The following CRTAC1 variants were observed in gnomAD, a reference collection of about 807,000 sequenced individuals.
CRTAC1 encodes cartilage acidic protein 1, also known as acidic secreted protein in cartilage.
Under a neutral mutation model 67.8 loss-of-function variants are expected in CRTAC1, and 37 were observed. The observed-to-expected ratio is 0.55, with a 90% CI of 0.42 to 0.72. CRTAC1 has a LOEUF of 0.72. Ranked by LOEUF, CRTAC1 falls within the 30% of genes least tolerant of loss-of-function variation. The pLI, the probability that CRTAC1 is intolerant of heterozygous loss-of-function variation, is 0.00. For synonymous variants in CRTAC1, 348 were observed against 371.0 expected (o/e 0.94, Z 0.71); for missense variants, 780 against 931.6 (o/e 0.84, Z 2.12).
Position 97,882,687 on chromosome 10 carries a change from C to T in CRTAC1, c.1675+99G>A, listed in dbSNP as rs1021090214. 2.3e-6 allele frequency: 3 copies of T among 1,296,802 alleles called. No individual in the cohort carries two copies. The African/African-American group carries it at 4.4e-5, about 19-fold the overall frequency. The allele number at this position is 1,296,802 out of a possible 1,614,324, so 80.3% of individuals were successfully genotyped here. ...ACACCCTCCCCTGTCCTCCTTTCTG[C>T]CCCTTGCTTGCACCCTGGACCTTGG... On this transcript the variant is annotated intron_variant, in intron 13 of 14. Transcript: ENST00000370597.
At chr10:97,991,390 G>C (rs1474367925) in intron 2 of CRTAC1, among the ~76,000 whole-genome samples, 1 of 151,038 alleles carries the variant, frequency 6.6e-6, no homozygotes, top group Non-Finnish European at 1.5e-5. Context: ...TCCAGCCTGG[G>C]TGACAGAGGG....
intron 2 of CRTAC1, among the ~76,000 whole-genome samples, chr10:97,977,098 A>T (rs917066345): frequency 6.6e-6 from 1 of 152,186 alleles, no homozygotes; most frequent in African/African-American, 2.4e-5. Flanking sequence ...TTCATGTGCA[A>T]TTTACTGCCA....
In CRTAC1 at chr10:97,950,244, C is replaced by CAGAGAG. The variant is rs1291012749; in HGVS notation, c.225-13879_225-13878insCTCTCT. On this transcript the variant is annotated intron_variant, in intron 2 of 14. Transcript: ENST00000370597. ...TTTTGCATGTACGTGCACACACACA[C>CAGAGAG]ACAGAGAGAGAGAGAGAGAGAGAGA... is the stretch of plus-strand genomic sequence containing the variant. 3.2e-3 allele frequency among the ~76,000 whole-genome samples: 362 copies of CAGAGAG among 112,068 alleles called. 4 individuals are homozygous for CAGAGAG. Among genetic ancestry groups the CAGAGAG allele is most frequent in the African/African-American group, 0.013 (335 of 25,346 alleles). 73.5% of individuals were successfully genotyped at this position (112,068 alleles called of 152,430 possible). A position where few individuals can be genotyped will look rare whatever the true frequency, so the allele number is the denominator to read the frequency against.
Position 97,865,563 on chromosome 10 carries a change from G to T in CRTAC1, c.1971C>A (p.Cys657Ter), listed in dbSNP as rs773387702. 2.2e-5 allele frequency: 35 copies of T among 1,609,468 alleles called. No individual in the cohort carries two copies. Among genetic ancestry groups the T allele is most frequent in the Non-Finnish European group, 2.8e-5 (33 of 1,176,508 alleles). ...LNLGSVVKESCEPSC is the reference protein window; with the variant it reads ...LNLGSVVKES The stretch of plus-strand genomic sequence containing the variant: ...CCACCCCTGCTCAGCAGCTGGGCTC[G>T]CAGCTCTCCTTAACCACCGACCCCA... The change falls in exon 15 of 15, where the codon TGC (cysteine) becomes TGA (stop). Residue 657 changes from cysteine (C) to a stop codon, truncating the protein, a stop_gained. Transcript: ENST00000370597. LOFTEE classifies it high-confidence loss of function.
At chr10:98,004,546 C>T (rs1303264330) in intron 2 of CRTAC1, among the ~76,000 whole-genome samples, 1 of 152,110 alleles carries the variant, frequency 6.6e-6, no homozygotes, top group Non-Finnish European at 1.5e-5. Context: ...ATATCCCTGA[C>T]CCTGCAGTTC....
chr10:97,963,036 T>C (rs1041968787), intron 2 of CRTAC1, among the ~76,000 whole-genome samples: 1 of 151,856 alleles, frequency 6.6e-6, no homozygotes, highest in African/African-American at 2.4e-5. Context: ...CAGCTCCTCC[T>C]CTCCCCCATA....
intron 8 of CRTAC1, among the ~76,000 whole-genome samples, chr10:97,898,029 T>A (rs544513447): frequency 2.0e-5 from 3 of 152,338 alleles, no homozygotes; most frequent in African/African-American, 7.2e-5. Context: ...TTGGTGTGCA[T>A]GAGTGTGATG....
At chr10:98,018,061 T>C (rs908941806) in intron 1 of CRTAC1, among the ~76,000 whole-genome samples, 7 of 149,936 alleles carry the variant, frequency 4.7e-5, no homozygotes, top group African/African-American at 1.7e-4. Context: ...TAGCTGGGTG[T>C]GGTAAGGGGC....
In CRTAC1 at chr10:97,963,911, T is replaced by A. The variant is rs142836776; in HGVS notation, c.225-27545A>T. Among the ~76,000 whole-genome samples, 174 of 152,318 alleles carry A rather than the reference T, an allele frequency of 1.1e-3. 2 individuals are homozygous for A. The South Asian group carries it at 0.022, about 19-fold the overall frequency. On this transcript the variant is annotated intron_variant, in intron 2 of 14. Transcript: ENST00000370597. ...GTAAGGACACATAGGTAGCAAGCAA[T>A]GAGCTGGAGTTCAAACCCAGGTTTG...
rs543764583 is a variant in CRTAC1, at chr10:97,923,323, C to T, written c.499G>A (p.Val167Met). Residue 167 changes from valine (V) to methionine (M), a missense_variant, in exon 4 of 15, where the codon GTG becomes ATG. Val to Met is a conservative substitution (Grantham distance 21). Transcript: ENST00000370597. ...WEDILSDEVN[V>M]ARGVASLFAG... ...AAGAGGCTGGCCACACCACGGGCCACGTTGACCTCATCGCTCAGGATGTCT... is the reference window on the plus strand; with the variant it reads ...AAGAGGCTGGCCACACCACGGGCCATGTTGACCTCATCGCTCAGGATGTCT... 4.3e-5 allele frequency: 69 copies of T among 1,614,176 alleles called. No individual in the cohort carries two copies. The South Asian group carries it at 6.1e-4, about 14-fold the overall frequency.
intron 3 of CRTAC1, 93 bp from the exon 4 acceptor site, chr10:97,923,493 G>GCCAT: frequency 6.6e-7 from 1 of 1,525,918 alleles, no homozygotes; most frequent in Non-Finnish European, 9.0e-7. Context: ...TTCACAAGGT[G>GCCAT]GTTGGGACCA....
rs182509722 is a variant in CRTAC1, at chr10:97,913,711, C to T, written c.715+3789G>A. ...CCCGTGCTGCACTTCCTGGGGGTCC[C>T]GGGCCCTGGCTGGGGAGCCTGTCAC... is the stretch of plus-strand genomic sequence containing the variant. On this transcript the variant is annotated intron_variant, in intron 5 of 14. Coordinates refer to ENST00000370597, the MANE Select transcript of CRTAC1 (RefSeq NM_018058.7). Among the ~76,000 whole-genome samples, 358 of 152,266 alleles carry T rather than the reference C, an allele frequency of 2.4e-3. 1 individual carries two copies. The highest frequency in any genetic ancestry group is 3.9e-3 in the Non-Finnish European group (263 of 68,010).
intron 13 of CRTAC1, among the ~76,000 whole-genome samples, chr10:97,881,717 G>A (rs920570541): frequency 1.3e-5 from 2 of 152,160 alleles, no homozygotes; most frequent in Non-Finnish European, 2.9e-5. Context: ...GGGTGGGCAT[G>A]TGGAGAGTGT....
intron 11 of CRTAC1, 138 bp from the exon 12 acceptor site, chr10:97,884,489 A>C: frequency 1.2e-6 from 1 of 821,968 alleles, no homozygotes; most frequent in South Asian, 1.8e-5. Context: ...AATGGTGAAC[A>C]AGACAGATTT....
chr10:97,958,833 G>A (rs2051480495), intron 2 of CRTAC1, among the ~76,000 whole-genome samples: 1 of 152,110 alleles, frequency 6.6e-6, no homozygotes, highest in African/African-American at 2.4e-5. Context: ...AATCCACCAG[G>A]ATGAAACTAA....
chr10:98,019,075 G>T (rs528063685), intron 1 of CRTAC1, among the ~76,000 whole-genome samples: 1 of 152,110 alleles, frequency 6.6e-6, no homozygotes, highest in Admixed American at 6.5e-5. Flanking sequence ...TTAGCTGGGG[G>T]GGGAGCTGGG....
At chr10:97,917,266 C>T (rs570099851) in intron 5 of CRTAC1, among the ~76,000 whole-genome samples, 7 of 152,324 alleles carry the variant, frequency 4.6e-5, no homozygotes, top group African/African-American at 1.7e-4. Flanking sequence ...CAGATGTCCC[C>T]TCTTGGGTAC....
intron 1 of CRTAC1, among the ~76,000 whole-genome samples, chr10:98,022,361 G>GA (rs957720666): frequency 1.0e-4 from 14 of 140,268 alleles, no homozygotes; most frequent in East Asian, 8.2e-4. Context: ...TTCTCAAAAA[G>GA]AAAAAAAAAG....
chr10:98,023,240 C>T (rs2136707412), intron 1 of CRTAC1, among the ~76,000 whole-genome samples: 1 of 152,344 alleles, frequency 6.6e-6, no homozygotes, highest in African/African-American at 2.4e-5. Context: ...TGGGCCTTGC[C>T]TGGAGTCCTC....
Sources: gnomAD v4.1 joint callset for allele counts (sites outside exome capture counted in the v4.1 genomes callset) on GRCh38, gnomAD v4.1.1 for gene constraint, MANE v1.5 for transcripts, NCBI Gene and HGNC (gene_info 2026-07-23, HGNC 2026-07-21) for gene names.